Variants in DGKB observed in about 807,000 individuals in gnomAD.
The protein encoded by DGKB is 90 kDa diacylglycerol kinase.
Under a neutral mutation model 114.3 loss-of-function variants are expected in DGKB, and 67 were observed. That is an observed-to-expected ratio of 0.59 (90% confidence interval 0.48 to 0.72). DGKB has a LOEUF of 0.72. DGKB is among the 30% of genes least tolerant of loss of function. The pLI is 0.00. For missense variants in DGKB, 907 were observed against 975.2 expected, an observed-to-expected ratio of 0.93 and a Z score of 0.93; for synonymous variants, 398 against 323.1, an observed-to-expected ratio of 1.23 and a Z score of -2.49.
intron 21 of DGKB, among the ~76,000 whole-genome samples, chr7:14,418,469 T>C (rs983566568): frequency 8.7e-5 from 13 of 149,228 alleles, no homozygotes; most frequent in African/African-American, 3.2e-4. Context: ...CTTCTAATTA[T>C]AATAATACAG....
At chr7:14,472,671 T>C (rs1161195361) in intron 21 of DGKB, among the ~76,000 whole-genome samples, 1 of 152,152 alleles carries the variant, frequency 6.6e-6, no homozygotes, top group Non-Finnish European at 1.5e-5. Context: ...AGTTTGGAGC[T>C]ATCTAGAGAC....
intron 23 of DGKB, among the ~76,000 whole-genome samples, chr7:14,243,584 T>C (rs1793990660): frequency 6.6e-6 from 1 of 152,222 alleles, no homozygotes; most frequent in South Asian, 2.1e-4. Context: ...GGCATTTCAC[T>C]TTCCAAAGCA....
chr7:14,347,410 C>T (rs1263355956), intron 21 of DGKB, among the ~76,000 whole-genome samples: 1 of 151,962 alleles, frequency 6.6e-6, no homozygotes, highest in Non-Finnish European at 1.5e-5. Flanking sequence ...AAAAATAGAA[C>T]AACCATGTGA....
intron 23 of DGKB, among the ~76,000 whole-genome samples, chr7:14,227,670 T>C (rs1791030261): frequency 6.6e-6 from 1 of 151,996 alleles, no homozygotes; most frequent in Non-Finnish European, 1.5e-5. Context: ...TGCTGGAGTA[T>C]ATTAAAAATG....
intron 25 of DGKB, among the ~76,000 whole-genome samples, chr7:14,163,011 A>AT (rs140737176): frequency 2.5e-4 from 38 of 151,300 alleles, no homozygotes; most frequent in East Asian, 2.3e-3. Flanking sequence ...GATTAATGGT[A>AT]TTTTTTTTTC....
Position 14,409,288 on chromosome 7 carries a change from C to G in DGKB, c.1836-63897G>C, listed in dbSNP as rs193039833. On this transcript the variant is annotated intron_variant, in intron 21 of 25. Coordinates refer to ENST00000402815, the MANE Select transcript of DGKB (RefSeq NM_001350709.2). ...CAGTAAAAAGCCATCATTCTCAGTCCTTGTGTACTTTTCATCGTGTTTAGC... is the reference window on the plus strand; with the variant it reads ...CAGTAAAAAGCCATCATTCTCAGTCGTTGTGTACTTTTCATCGTGTTTAGC... Among the ~76,000 whole-genome samples, 73 of 152,172 alleles carry G rather than the reference C, an allele frequency of 4.8e-4. No individual in the cohort carries two copies. The East Asian group carries it at 0.012, about 24-fold the overall frequency.
chr7:14,880,837 T>C (rs928730140), intron 1 of DGKB, among the ~76,000 whole-genome samples: 4 of 152,180 alleles, frequency 2.6e-5, no homozygotes, highest in East Asian at 1.9e-4. Flanking sequence ...CTACATAATA[T>C]ATAGGGAATA....
intron 16 of DGKB, among the ~76,000 whole-genome samples, chr7:14,611,633 G>A (rs530922524): frequency 2.6e-5 from 4 of 152,086 alleles, no homozygotes; most frequent in African/African-American, 9.6e-5. Flanking sequence ...ACGTGGATGT[G>A]TATATAGAAG....
chr7:14,906,460 T>C (rs1371524972), upstream of DGKB, among the ~76,000 whole-genome samples: 1 of 143,832 alleles, frequency 7.0e-6, no homozygotes, highest in African/African-American at 2.5e-5. Context: ...TTTTTTTTTT[T>C]TTTTTTTTTT....
At chr7:14,215,171 G>T (rs1788751971) in intron 23 of DGKB, among the ~76,000 whole-genome samples, 1 of 152,170 alleles carries the variant, frequency 6.6e-6, no homozygotes, top group Non-Finnish European at 1.5e-5. Context: ...GCTGAGAGAT[G>T]TAGTGAGATT....
intron 13 of DGKB, among the ~76,000 whole-genome samples, chr7:14,666,854 TA>T (rs1199605956): frequency 7.9e-5 from 12 of 152,062 alleles, no homozygotes; most frequent in Admixed American, 2.0e-4. Context: ...AAATAAATTT[TA>T]AGTAATATAG....
chr7:14,579,759 G>A (rs895950194), intron 19 of DGKB, among the ~76,000 whole-genome samples: 4 of 151,926 alleles, frequency 2.6e-5, no homozygotes, highest in Admixed American at 1.3e-4. Flanking sequence ...CAACTTTGCC[G>A]TAAATCAGAG....
At chr7:14,188,933 A>G (rs910486520) in intron 23 of DGKB, among the ~76,000 whole-genome samples, 2 of 152,284 alleles carry the variant, frequency 1.3e-5, no homozygotes, top group East Asian at 3.9e-4. Flanking sequence ...TATATAAAGC[A>G]AAGATATTTT....
At chr7:14,912,207 A>T (rs1345014643) in intron 1 of DGKB, among the ~76,000 whole-genome samples, 1 of 152,170 alleles carries the variant, frequency 6.6e-6, no homozygotes, top group Admixed American at 6.6e-5. Flanking sequence ...GGAGGTGATA[A>T]ATTCCACAAG....
chr7:14,665,940 T>G (rs1817942504), intron 13 of DGKB, among the ~76,000 whole-genome samples: 1 of 152,018 alleles, frequency 6.6e-6, no homozygotes, highest in Non-Finnish European at 1.5e-5. Flanking sequence ...ACCTCACAAA[T>G]TTATGTACTA....
At chr7:14,655,612 T>A (rs556558895) in intron 13 of DGKB, among the ~76,000 whole-genome samples, 2 of 151,894 alleles carry the variant, frequency 1.3e-5, no homozygotes, top group African/African-American at 4.8e-5. Flanking sequence ...CTATTCACTA[T>A]AGCCAAGATG....
rs542020349 is a variant in DGKB at position 14,572,374 on chromosome 7, C to T, written c.1770+1838G>A. On this transcript the variant is annotated intron_variant, in intron 20 of 25. Coordinates refer to ENST00000402815, the MANE Select transcript of DGKB (RefSeq NM_001350709.2). Reference sequence around the variant, plus strand: ...GGCTGAGGCAGGAGAATGTCGTGAACCCAGGAGGTGGAGTTTGCAGTGAGC... The same window carrying T: ...GGCTGAGGCAGGAGAATGTCGTGAATCCAGGAGGTGGAGTTTGCAGTGAGC... 4.0e-5 allele frequency among the ~76,000 whole-genome samples: 6 copies of T among 151,456 alleles called. 1 individual carries two copies. The highest frequency in any genetic ancestry group is 1.5e-4 in the African/African-American group (6 of 41,314).
At chr7:14,176,337 C>A (rs1781737431) in intron 25 of DGKB, 6 of 984,424 alleles carry the variant, frequency 6.1e-6, no homozygotes, top group Non-Finnish European at 7.2e-6. Context: ...TAAATAATAC[C>A]TCATTCTGGA....
At chr7:14,211,234 A>C (rs1416946189) in intron 23 of DGKB, among the ~76,000 whole-genome samples, 1 of 152,072 alleles carries the variant, frequency 6.6e-6, no homozygotes, top group Admixed American at 6.6e-5. Context: ...TTCCTGCAGT[A>C]TTTGAAACGT....
Sources: gnomAD v4.1 joint callset for allele counts (sites outside exome capture counted in the v4.1 genomes callset) on GRCh38, gnomAD v4.1.1 for gene constraint, MANE v1.5 for transcripts, NCBI Gene and HGNC (gene_info 2026-07-23, HGNC 2026-07-21) for gene names.